TBC1D19: variants seen among roughly 807,000 people sequenced by gnomAD.
TBC1D19 encodes the protein TBC1 domain family, member 19.
Under a neutral mutation model 89.0 loss-of-function variants are expected in TBC1D19, and 60 were observed. The ratio of observed to expected loss-of-function variants is 0.67; its 90% CI spans 0.55 to 0.84. The LOEUF (loss-of-function observed/expected upper bound fraction) is 0.84, where lower values mean the gene tolerates loss of function less well. Ranked by LOEUF, TBC1D19 falls within the 40% of genes least tolerant of loss-of-function variation. The pLI, the probability that TBC1D19 is intolerant of heterozygous loss-of-function variation, is 0.00. For missense variants in TBC1D19, 500 were observed against 610.8 expected (o/e 0.82, Z 1.91); for synonymous variants, 189 against 199.7 (o/e 0.95, Z 0.45).
chr4:26,856,795 T>C, the TBC1D19 span, among the ~76,000 whole-genome samples: 1 of 152,246 alleles, frequency 6.6e-6, no homozygotes. Context: ...ATAATATTCA[T>C]GTAACACCTC....
At chr4:26,821,823 G>A in the TBC1D19 span, among the ~76,000 whole-genome samples, 1 of 152,288 alleles carries the variant, frequency 6.6e-6, no homozygotes, top group South Asian at 2.1e-4. Flanking sequence ...TTTATGTGTG[G>A]CAGACCTCTG....
At chr4:26,658,580 G>C (rs1745028028) in intron 7 of TBC1D19, among the ~76,000 whole-genome samples, 1 of 152,066 alleles carries the variant, frequency 6.6e-6, no homozygotes, top group African/African-American at 2.4e-5. Flanking sequence ...GCTCTTTTTT[G>C]GTTCCATATG....
intron 1 of TBC1D19, among the ~76,000 whole-genome samples, chr4:26,593,788 A>C (rs1739997982): frequency 6.6e-6 from 1 of 152,232 alleles, no homozygotes; most frequent in South Asian, 2.1e-4. Context: ...AACCACAATG[A>C]GATACCATCT....
At chr4:26,643,241 T>C (rs1416172327) in intron 7 of TBC1D19, among the ~76,000 whole-genome samples, 1 of 152,182 alleles carries the variant, frequency 6.6e-6, no homozygotes, top group Non-Finnish European at 1.5e-5. Context: ...CAGACCACAG[T>C]GCAATCAAAT....
chr4:26,735,024 A>G (rs1462975325), intron 15 of TBC1D19, among the ~76,000 whole-genome samples: 2 of 87,364 alleles, frequency 2.3e-5, no homozygotes, highest in Admixed American at 3.0e-4. Flanking sequence ...GTGTATACAC[A>G]TGTATATATG....
rs201566533 is a variant in TBC1D19, at chr4:26,720,526, GA to G, written c.1084+404del. The stretch of plus-strand genomic sequence containing the variant: ...ATAATTTGACCAATGTAGTATTTAT[GA>G]AACAAAAATATTATTAAAAGGTATC... On this transcript the variant is annotated intron_variant, in intron 15 of 20. Coordinates refer to ENST00000264866, the MANE Select transcript of TBC1D19 (RefSeq NM_018317.4). 7.7e-3 allele frequency among the ~76,000 whole-genome samples: 1,177 copies of G among 152,066 alleles called. 10 individuals carry two copies. The highest frequency in any genetic ancestry group is 0.027 in the African/African-American group (1,110 of 41,482).
At chr4:26,775,295 T>C in the TBC1D19 span, among the ~76,000 whole-genome samples, 11 of 151,960 alleles carry the variant, frequency 7.2e-5, no homozygotes, top group Non-Finnish European at 1.5e-4. Context: ...CTACAAAACA[T>C]TTTTAAAAAT....
rs1420938981 is a variant in TBC1D19 at position 26,651,089 on chromosome 4, A to G, written c.481-8508A>G. 5.9e-5 allele frequency among the ~76,000 whole-genome samples: 9 copies of G among 152,160 alleles called. No homozygotes were observed. In the South Asian group the frequency reaches 1.7e-3, roughly 28 times the overall value. On this transcript the variant is annotated intron_variant, in intron 7 of 20. Transcript: ENST00000264866. ...CATTGGTCTATATCTCTGTTTTGGT[A>G]CGAGTACCATGCTGTTTTGGTTACT...
chr4:26,577,403 A>G (rs1738997641), intron 1 of TBC1D19, among the ~76,000 whole-genome samples: 2 of 152,036 alleles, frequency 1.3e-5, no homozygotes, highest in Non-Finnish European at 2.9e-5. Context: ...TTTCCAGTGC[A>G]AGGCTTGGAG....
intron 8 of TBC1D19, among the ~76,000 whole-genome samples, 197 bp from the exon 9 acceptor site, chr4:26,666,136 C>A (rs1032408115): frequency 1.3e-5 from 2 of 151,594 alleles, no homozygotes; most frequent in Admixed American, 6.6e-5. Context: ...ACTGGTTATT[C>A]TATTCCTTAA....
At chr4:26,650,999 C>T (rs187429121) in intron 7 of TBC1D19, among the ~76,000 whole-genome samples, 1 of 152,126 alleles carries the variant, frequency 6.6e-6, no homozygotes, top group Non-Finnish European at 1.5e-5. Context: ...TGGTTTTTCT[C>T]AGGTTTGTCA....
At chr4:26,843,666 C>T in the TBC1D19 span, among the ~76,000 whole-genome samples, 7 of 151,970 alleles carry the variant, frequency 4.6e-5, no homozygotes, top group African/African-American at 1.7e-4. Context: ...AGATACGATC[C>T]TCAACTACCT....
At chr4:26,587,081 T>G (rs935868258) in intron 1 of TBC1D19, among the ~76,000 whole-genome samples, 1 of 152,220 alleles carries the variant, frequency 6.6e-6, no homozygotes, top group African/African-American at 2.4e-5. Context: ...TGTTAAGTAC[T>G]TTTTTATATC....
At chr4:26,595,454 G>A (rs1242813047) in intron 1 of TBC1D19, among the ~76,000 whole-genome samples, 1 of 152,054 alleles carries the variant, frequency 6.6e-6, no homozygotes, top group Non-Finnish European at 1.5e-5. Context: ...TTTATGGATT[G>A]TGCATTTGGT....
chr4:26,785,560 A>C, the TBC1D19 span, among the ~76,000 whole-genome samples: 1 of 152,240 alleles, frequency 6.6e-6, no homozygotes, highest in Non-Finnish European at 1.5e-5. Flanking sequence ...GGAAGTATTC[A>C]GGTAAACAAA....
Position 26,683,685 on chromosome 4 carries a change from A to G in TBC1D19, c.827A>G (p.Tyr276Cys). The change falls in exon 12 of 21, where the codon TAT (tyrosine) becomes TGT (cysteine). Residue 276 changes from tyrosine (Y) to cysteine (C), a missense_variant. This residue lies in a region of TBC1D19 where 220 missense variants were observed against 319.1 expected (regional missense o/e 0.69). Transcript: ENST00000264866. ...NISSQPEDVL[Y>C]YEQLKTNVIQ... is the part of the protein sequence containing the mutation. ...TACTTTTAAATTTAGGATGTCTTGT[A>G]TTATGAGCAGCTTAAGACCAATGTG... is the stretch of plus-strand genomic sequence containing the variant. 2 of 1,611,828 alleles carry G rather than the reference A, an allele frequency of 1.2e-6. No homozygotes were observed. Among genetic ancestry groups the G allele is most frequent in the Non-Finnish European group, 1.7e-6 (2 of 1,179,210 alleles).
chr4:26,808,163 A>G, the TBC1D19 span, among the ~76,000 whole-genome samples: 4 of 152,216 alleles, frequency 2.6e-5, no homozygotes, highest in East Asian at 7.7e-4. Flanking sequence ...GTGTTTCTAA[A>G]AATAACAAGC....
intron 19 of TBC1D19, among the ~76,000 whole-genome samples, chr4:26,752,384 C>T (rs532612244): frequency 7.9e-4 from 120 of 151,584 alleles, no homozygotes; most frequent in African/African-American, 2.5e-3. Context: ...GCTGGGACTA[C>T]AGGAATGCAC....
chr4:26,708,497 A>G (rs1476603869), intron 13 of TBC1D19, among the ~76,000 whole-genome samples: 1 of 152,002 alleles, frequency 6.6e-6, no homozygotes, highest in African/African-American at 2.4e-5. Flanking sequence ...TTGGATGTTT[A>G]TATTAATGTC....
Sources: gnomAD v4.1 joint callset for allele counts (sites outside exome capture counted in the v4.1 genomes callset) on GRCh38, gnomAD v4.1.1 for gene constraint, gnomAD v4.1.1 regional missense constraint, MANE v1.5 for transcripts, NCBI Gene and HGNC (gene_info 2026-07-23, HGNC 2026-07-21) for gene names.